The following WDR35 variants were observed in gnomAD, a reference collection of about 807,000 sequenced individuals.
WDR35 encodes WD repeat-containing protein 35.
A neutral mutation model predicts 158.3 loss-of-function variants in WDR35; 118 were observed. The observed-to-expected ratio is 0.75, with a 90% CI of 0.64 to 0.87. The LOEUF (loss-of-function observed/expected upper bound fraction) is 0.87. Ranked by LOEUF, WDR35 falls within the 40% of genes least tolerant of loss-of-function variation. The pLI is 0.00. For synonymous variants in WDR35, 448 were observed against 476.1 expected (o/e 0.94, Z 0.77); for missense variants, 1,263 against 1,405.8 (o/e 0.90, Z 1.62).
intron 2 of WDR35, among the ~76,000 whole-genome samples, chr2:19,988,613 C>T (rs1672647421): frequency 6.6e-6 from 1 of 152,152 alleles, no homozygotes; most frequent in Non-Finnish European, 1.5e-5. Context: ...ACTCCAATTA[C>T]CTTATCTAGG....
intron 11 of WDR35, 60 bp from the exon 12 acceptor site, chr2:19,954,038 G>T: frequency 6.2e-7 from 1 of 1,601,076 alleles, no homozygotes; most frequent in South Asian, 1.1e-5. Flanking sequence ...TGCTTGTGCT[G>T]CAAAGGCCTT....
At chr2:19,921,839 T>C (rs1288377999) in intron 25 of WDR35, among the ~76,000 whole-genome samples, 1 of 152,062 alleles carries the variant, frequency 6.6e-6, no homozygotes, top group African/African-American at 2.4e-5. Context: ...AGGGCTAATA[T>C]CCAGAATCTA....
chr2:19,978,953 A>T, intron 4 of WDR35, 74 bp from the exon 5 acceptor site: 1 of 1,587,604 alleles, frequency 6.3e-7, no homozygotes, highest in Non-Finnish European at 8.6e-7. Flanking sequence ...AATTGAAAGC[A>T]TTCCATAAAG....
chr2:19,952,546 C>A (rs1001104379), intron 12 of WDR35, among the ~76,000 whole-genome samples: 2 of 152,090 alleles, frequency 1.3e-5, no homozygotes, highest in African/African-American at 4.8e-5. Context: ...TCTGGAGAGG[C>A]TAGGCTTTCT....
At chr2:19,916,906 T>A (rs1670007778) in intron 25 of WDR35, among the ~76,000 whole-genome samples, 1 of 152,112 alleles carries the variant, frequency 6.6e-6, no homozygotes, top group Non-Finnish European at 1.5e-5. Context: ...CTCAAGTGTG[T>A]CCCTGACCCC....
chr2:19,936,308 G>C lies in WDR35; in HGVS notation c.2325C>G (p.Leu775=), dbSNP rs1228387864. The change falls in exon 20 of 27, where the codon CTC becomes CTG. Residue 775 remains leucine (L), a synonymous_variant. Transcript: ENST00000281405. ...KLGDWFRVLQ[L]LKTGSGDADD... is the part of the protein sequence containing the mutation. Reference sequence around the variant, plus strand: ...CTGCATCACCAGATCCAGTTTTCAGGAGCTGGAGTACTCTAAACCAATCCC... The same window carrying C: ...CTGCATCACCAGATCCAGTTTTCAGCAGCTGGAGTACTCTAAACCAATCCC... 1 of 1,614,028 alleles carries C rather than the reference G, an allele frequency of 6.2e-7. No homozygotes were observed. Among genetic ancestry groups the C allele is most frequent in the Non-Finnish European group, 8.5e-7 (1 of 1,179,944 alleles).
At position 19,914,066 on chromosome 2, in the gene WDR35, T is replaced by C. The variant is rs150587828; in HGVS notation, c.3333A>G (p.Arg1111=). ...CCATAAGGCTGTCCAATTCAGGTTT[T>C]CTGTTATCTTTTGAAGTATGTTTGG... ...IFTKHTSKDN[R]KPELDSLMEG... Residue 1111 remains arginine (R), a synonymous_variant, in exon 26 of 27, where the codon AGA becomes AGG. Coordinates refer to ENST00000281405, the MANE Select transcript of WDR35 (RefSeq NM_020779.4). The C allele has an allele frequency of 1.9e-6, 3 of 1,614,054 alleles. No individual in the cohort carries two copies. The highest frequency in any genetic ancestry group is 2.5e-6 in the Non-Finnish European group (3 of 1,180,004).
intron 17 of WDR35, among the ~76,000 whole-genome samples, chr2:19,939,463 T>C (rs1191774): frequency 0.31 from 47,722 of 152,034 alleles, 8,461 homozygotes; most frequent in Middle Eastern, 0.46. Context: ...ATGGTATTCT[T>C]TGCAGTGGAA....
At chr2:19,941,735 G>T in intron 17 of WDR35, 24 bp downstream of exon 17, 1 of 1,493,880 alleles carries the variant, frequency 6.7e-7, no homozygotes, top group East Asian at 2.4e-5. Context: ...GCTAGCAACA[G>T]AAATGTAACT....
chr2:19,954,040 A>G (rs1671338972), intron 11 of WDR35, 62 bp from the exon 12 acceptor site: 1 of 1,600,596 alleles, frequency 6.2e-7, no homozygotes, highest in Admixed American at 1.7e-5. Context: ...CTTGTGCTGC[A>G]AAGGCCTTTA....
Position 19,913,460 on chromosome 2 carries a change from A to G in WDR35, c.*98T>C, listed in dbSNP as rs6748924. ...ACTATAAATAATGAGGCTGATTTTC[A>G]TACAAAACTCACAGAAATAAACCTT... On this transcript the variant is annotated 3_prime_UTR_variant, in exon 27 of 27. Coordinates refer to ENST00000281405, the MANE Select transcript of WDR35 (RefSeq NM_020779.4). 111,869 of 1,482,398 alleles carry G rather than the reference A, an allele frequency of 0.075. 4,942 individuals are homozygous for G. Among genetic ancestry groups the G allele is most frequent in the African/African-American group, 0.19 (13,596 of 71,970 alleles). The allele number at this position is 1,482,398 out of a possible 1,614,324, so 91.8% of individuals were successfully genotyped here. A position where few individuals can be genotyped will look rare whatever the true frequency, so the allele number is the denominator to read the frequency against.
chr2:19,913,913 G>T, intron 26 of WDR35, 124 bp downstream of exon 26: 1 of 1,453,846 alleles, frequency 6.9e-7, no homozygotes, highest in Non-Finnish European at 9.4e-7. Flanking sequence ...AATAAAATAG[G>T]GTATAATGTT....
In WDR35 at chr2:19,912,652, A is replaced by G. The variant is rs1669872066; in HGVS notation, c.*906T>C. ...TCTGGTCTTTAGCCACAAAATGGGA[A>G]TTCATGAGAAATAAACAGAGAACAT... On this transcript the variant is annotated 3_prime_UTR_variant, in exon 27 of 27. Transcript: ENST00000281405. 6.6e-6 allele frequency: 1 copy of G among 152,248 alleles called. No individual in the cohort carries two copies. The highest frequency in any genetic ancestry group is 2.4e-5 in the African/African-American group (1 of 41,476). The allele number at this position is 152,248 out of a possible 1,614,324, so 9.4% of individuals were successfully genotyped here.
At position 19,978,869 on chromosome 2, in the gene WDR35, A is replaced by G. The variant is rs115963122; in HGVS notation, c.318T>C (p.Ile106=). Residue 106 remains isoleucine (I), a synonymous_variant, in exon 5 of 27, where the codon ATT becomes ATC. Coordinates refer to ENST00000281405, the MANE Select transcript of WDR35 (RefSeq NM_020779.4). ...IVWMLYKGSW[I]EEMINNRNKS... ...TATTTCGATTGTTGATCATCTCCTC[A>G]ATCCAAGAGCCTGTTTTCACAAATT... 4.6e-4 allele frequency: 750 copies of G among 1,613,756 alleles called. 9 individuals are homozygous for G. The African/African-American group carries it at 9.0e-3, about 19-fold the overall frequency.
At chr2:19,924,185 A>G (rs1033843455) in intron 25 of WDR35, among the ~76,000 whole-genome samples, 1 of 152,196 alleles carries the variant, frequency 6.6e-6, no homozygotes, top group African/African-American at 2.4e-5. Flanking sequence ...TTATGTGGAG[A>G]ACAATACGCT....
chr2:19,950,194 CAAA>C lies in WDR35; in HGVS notation c.1470+1218_1470+1220del, dbSNP rs369818964. 5.2e-3 allele frequency among the ~76,000 whole-genome samples: 792 copies of C among 151,724 alleles called. 6 individuals are homozygous for C. The highest frequency in any genetic ancestry group is 0.019 in the African/African-American group (775 of 41,354). On this transcript the variant is annotated intron_variant, in intron 13 of 26. Coordinates refer to ENST00000281405, the MANE Select transcript of WDR35 (RefSeq NM_020779.4). ...AAGTGATGCATAGATGAACCCTTGA[CAAA>C]GAAGACTCAGAAGGAAAAGCCAGAG...
intron 19 of WDR35, 90 bp downstream of exon 19, chr2:19,937,653 T>C: frequency 2.0e-6 from 3 of 1,527,308 alleles, no homozygotes; most frequent in South Asian, 1.1e-5. Flanking sequence ...AACCATATGA[T>C]ACACCTAACG....
At chr2:19,929,728 A>C (rs1041104259) in intron 25 of WDR35, among the ~76,000 whole-genome samples, 1 of 152,206 alleles carries the variant, frequency 6.6e-6, no homozygotes, top group Non-Finnish European at 1.5e-5. Flanking sequence ...CTGCTGAGGG[A>C]AAAAACCATG....
chr2:19,973,600 T>A lies in WDR35; in HGVS notation c.845A>T (p.Asp282Val). 6.2e-7 allele frequency: 1 copy of A among 1,614,196 alleles called. No individual in the cohort carries two copies. The highest frequency in any genetic ancestry group is 1.3e-5 in the African/African-American group (1 of 75,044). Residue 282 changes from aspartate to valine, a missense_variant, in exon 8 of 27, where the codon GAT becomes GTT. Transcript: ENST00000281405. ...AGTGTAAAACTGCACAATGTTCACA[T>A]CTTTGTCCTGCATGGCTGCCTTCTG... ...GFQKAAMQDK[D>V]VNIVQFYTPF...
Sources: allele counts gnomAD v4.1 joint callset (sites outside exome capture counted in the v4.1 genomes callset), GRCh38; gene constraint gnomAD v4.1.1; transcripts MANE v1.5; gene names NCBI Gene and HGNC (gene_info 2026-07-23, HGNC 2026-07-21).